TMEM154: variants seen among roughly 807,000 people sequenced by gnomAD.
TMEM154 encodes the protein transmembrane protein 154.
In TMEM154, 27 loss-of-function variants were observed where a neutral mutation model predicts 24.5. The observed-to-expected ratio is 1.10, with a 90% CI of 0.81 to 1.52. The LOEUF (loss-of-function observed/expected upper bound fraction) is 1.52, where lower values mean the gene tolerates loss of function less well. Ranked by LOEUF, TMEM154 falls within the 40% of genes most tolerant of loss-of-function variation. The pLI is 0.00. For synonymous variants in TMEM154, 67 were observed against 76.8 expected, an observed-to-expected ratio of 0.87 and a Z score of 0.67; for missense variants, 228 against 213.4, an observed-to-expected ratio of 1.07 and a Z score of -0.43.
intron 6 of TMEM154, among the ~76,000 whole-genome samples, chr4:152,632,814 G>A (rs1242978731): frequency 6.6e-6 from 1 of 152,152 alleles, no homozygotes; most frequent in Non-Finnish European, 1.5e-5. Flanking sequence ...TCACTTTCTT[G>A]CTATGTGACA....
chr4:152,653,279 G>T (rs1397709444), intron 1 of TMEM154, among the ~76,000 whole-genome samples: 2 of 152,068 alleles, frequency 1.3e-5, no homozygotes, highest in African/African-American at 4.8e-5. Context: ...CTCCTATAGG[G>T]TATGATAATA....
Position 152,643,265 on chromosome 4 carries a change from G to A in TMEM154, c.393-92C>T, listed in dbSNP as rs922096820. ...AGACTAGAATGCTGATCCTGAGGAA[G>A]ATGAACTTGATTCAGTGCCTTATGC... On this transcript the variant is annotated intron_variant, in intron 4 of 6. Transcript: ENST00000304385. 2.1e-5 allele frequency: 20 copies of A among 971,694 alleles called. 1 individual carries two copies. Among genetic ancestry groups the A allele is most frequent in the Admixed American group, 7.1e-5 (3 of 42,048 alleles). 60.2% of individuals were successfully genotyped at this position (971,694 alleles called of 1,614,324 possible). A position where few individuals can be genotyped will look rare whatever the true frequency, so the allele number is the denominator to read the frequency against.
intron 3 of TMEM154, among the ~76,000 whole-genome samples, chr4:152,651,053 A>C (rs1728370361): frequency 6.6e-6 from 1 of 152,250 alleles, no homozygotes; most frequent in African/African-American, 2.4e-5. Flanking sequence ...TCAGATTTTC[A>C]GAATGGTAAA....
chr4:152,646,856 A>C, intron 3 of TMEM154: 1 of 673,800 alleles, frequency 1.5e-6, no homozygotes, highest in South Asian at 1.6e-5. Context: ...GTCTCTTTCC[A>C]GAAGATTTAC....
chr4:152,655,666 T>C (rs1561052721), intron 1 of TMEM154, among the ~76,000 whole-genome samples: 1 of 141,866 alleles, frequency 7.0e-6, no homozygotes, highest in Non-Finnish European at 1.5e-5. Context: ...CACACATGTT[T>C]ATGTGCCTCA....
At chr4:152,645,744 G>T (rs1662184261) in intron 3 of TMEM154, among the ~76,000 whole-genome samples, 1 of 152,210 alleles carries the variant, frequency 6.6e-6, no homozygotes, top group Admixed American at 6.5e-5. Flanking sequence ...GTGAGCTGCT[G>T]TAATTTCCTG....
chr4:152,657,344 T>C (rs1444334372), intron 1 of TMEM154, among the ~76,000 whole-genome samples: 7 of 151,414 alleles, frequency 4.6e-5, no homozygotes, highest in African/African-American at 1.7e-4. Flanking sequence ...CAAAACTCCA[T>C]CTCTACTAAA....
At chr4:152,643,784 G>A (rs553493653) in intron 4 of TMEM154, among the ~76,000 whole-genome samples, 3 of 152,328 alleles carry the variant, frequency 2.0e-5, no homozygotes, top group Admixed American at 6.5e-5. Flanking sequence ...TGAAAGCAGC[G>A]TAGGCGGTAC....
chr4:152,628,690 G>A (rs1481503022), intron 6 of TMEM154, 129 bp from the exon 7 acceptor site: 20 of 1,179,306 alleles, frequency 1.7e-5, no homozygotes, highest in South Asian at 5.5e-5. Flanking sequence ...AGGCTGGAGC[G>A]CAGTGGCACA....
chr4:152,667,353 TACAAGG>T (rs1728740798), intron 1 of TMEM154, among the ~76,000 whole-genome samples: 1 of 152,160 alleles, frequency 6.6e-6, no homozygotes, highest in South Asian at 2.1e-4. Flanking sequence ...TTTTCGAACA[TACAAGG>T]GAATGGAGGA....
intron 1 of TMEM154, among the ~76,000 whole-genome samples, chr4:152,658,817 G>GA (rs34975631): frequency 4.7e-4 from 67 of 143,798 alleles, no homozygotes; most frequent in Admixed American, 8.2e-4. Flanking sequence ...CATCTCAAAA[G>GA]AAAAAAAAAA....
At chr4:152,663,034 T>C (rs1728643965) in intron 1 of TMEM154, among the ~76,000 whole-genome samples, 1 of 152,210 alleles carries the variant, frequency 6.6e-6, no homozygotes, top group African/African-American at 2.4e-5. Context: ...TAATTCTCCA[T>C]TTCCTAAAAG....
chr4:152,656,145 C>T (rs1280286839), intron 1 of TMEM154, among the ~76,000 whole-genome samples: 3 of 152,152 alleles, frequency 2.0e-5, no homozygotes, highest in African/African-American at 4.8e-5. Flanking sequence ...CAGTCCATTG[C>T]AACCACTGCC....
chr4:152,625,094 C>A lies in TMEM154; in HGVS notation c.*3452G>T, dbSNP rs1027669965. 1 of 143,606 alleles carries A rather than the reference C, an allele frequency of 7.0e-6. No individual in the cohort carries two copies. The highest frequency in any genetic ancestry group is 2.4e-5 in the African/African-American group (1 of 40,842). 8.9% of individuals were successfully genotyped at this position (143,606 alleles called of 1,614,324 possible). ...ATGTTTTCTTTAGTCAACATAAGGC[C>A]TTTTTTCAGAGATGGTGTGAATTAA... On this transcript the variant is annotated 3_prime_UTR_variant, in exon 7 of 7. Coordinates refer to ENST00000304385, the MANE Select transcript of TMEM154 (RefSeq NM_152680.3).
At chr4:152,630,077 G>A (rs1752005870) in intron 6 of TMEM154, among the ~76,000 whole-genome samples, 1 of 152,124 alleles carries the variant, frequency 6.6e-6, no homozygotes, top group South Asian at 2.1e-4. Context: ...TCTTTGGGAG[G>A]CTGAGGCAGG....
chr4:152,628,442 G>T lies in TMEM154; in HGVS notation c.*104C>A. The T allele has an allele frequency of 1.9e-6, 3 of 1,564,964 alleles. No individual in the cohort carries two copies. The highest frequency in any genetic ancestry group is 1.1e-5 in the South Asian group (1 of 88,762). The stretch of plus-strand genomic sequence containing the variant: ...AGCAAAAGGTTCTTGTGTCTATGTT[G>T]ATTTGAAATTAATTAAATTTGTATC... On this transcript the variant is annotated 3_prime_UTR_variant, in exon 7 of 7. Coordinates refer to ENST00000304385, the MANE Select transcript of TMEM154 (RefSeq NM_152680.3).
At position 152,679,945 on chromosome 4, in the gene TMEM154, T is replaced by G. The variant is rs775395060; in HGVS notation, c.-12A>C. ...CGGGGAGCCTGCATGTCCGCTCGCC[T>G]CGGCAGAGGCGCGCTCAGGATGCTG... On this transcript the variant is annotated 5_prime_UTR_variant, in exon 1 of 7. Transcript: ENST00000304385. The G allele has an allele frequency of 6.2e-6, 10 of 1,605,550 alleles. No individual in the cohort carries two copies. The South Asian group carries it at 1.0e-4, about 16-fold the overall frequency.
At position 152,628,342 on chromosome 4, in the gene TMEM154, C is replaced by T; in HGVS notation, c.*204G>A. 1 of 878,918 alleles carries T rather than the reference C, an allele frequency of 1.1e-6. No homozygotes were observed. The highest frequency in any genetic ancestry group is 2.4e-5 in the Admixed American group (1 of 42,506). The allele number at this position is 878,918 out of a possible 1,614,324, so 54.4% of individuals were successfully genotyped here. A position where few individuals can be genotyped will look rare whatever the true frequency, so the allele number is the denominator to read the frequency against. ...CGATGGATGGCAGCCAGGCCTTTTC[C>T]TAGTACTTCTCAATTGCACATTCTT... On this transcript the variant is annotated 3_prime_UTR_variant, in exon 7 of 7. Transcript: ENST00000304385.
Position 152,628,565 on chromosome 4 carries a change from T to TA in TMEM154, c.537-5dup, listed in dbSNP as rs747613909. The TA allele has an allele frequency of 2.4e-3, 1,222 of 518,320 alleles. 218 individuals are homozygous for TA. The highest frequency in any genetic ancestry group is 0.016 in the African/African-American group (181 of 11,554). The allele number at this position is 518,320 out of a possible 1,614,324, so 32.1% of individuals were successfully genotyped here. On this transcript the variant is annotated splice_region_variant and splice_polypyrimidine_tract_variant and intron_variant, in intron 6 of 6. Transcript: ENST00000304385. ...TCAGGTTTAGGATTCACTGTCACTG[T>TA]AAAAAAAAAAAAAAAAAAAAAAAAA...
Sources: allele counts gnomAD v4.1 joint callset (sites outside exome capture counted in the v4.1 genomes callset), GRCh38; gene constraint gnomAD v4.1.1; transcripts MANE v1.5; gene names NCBI Gene and HGNC (gene_info 2026-07-23, HGNC 2026-07-21).